SERPINE2: variants seen among roughly 807,000 people sequenced by gnomAD.
The protein encoded by SERPINE2 is serpin family E member 2.
Under a neutral mutation model 36.3 loss-of-function variants are expected in SERPINE2, and 14 were observed. The observed-to-expected ratio is 0.39, with a 90% CI of 0.25 to 0.60. The LOEUF is 0.60. Ranked by LOEUF, SERPINE2 falls within the 20% of genes least tolerant of loss-of-function variation. The probability of loss-of-function intolerance (pLI) is 0.57; values close to 1 mark genes in which losing one functional copy is unlikely to be tolerated. For missense variants in SERPINE2, 418 were observed against 499.6 expected (o/e 0.84, Z 1.56); for synonymous variants, 192 against 191.8 (o/e 1.00, Z -0.01).
chr2:223,992,742 T>A (rs1184871464), intron 3 of SERPINE2, among the ~76,000 whole-genome samples: 1 of 152,222 alleles, frequency 6.6e-6, no homozygotes, highest in African/African-American at 2.4e-5. Flanking sequence ...TCTAATTTGA[T>A]CATTACACAT....
chr2:224,014,112 T>C (rs926777735), intron 1 of SERPINE2, among the ~76,000 whole-genome samples: 5 of 152,202 alleles, frequency 3.3e-5, no homozygotes, highest in Non-Finnish European at 7.4e-5. Context: ...AGGTGGCTCA[T>C]GCCTGTAATC....
intron 4 of SERPINE2, among the ~76,000 whole-genome samples, chr2:223,989,787 G>A (rs749516666): frequency 6.6e-6 from 1 of 152,290 alleles, no homozygotes; most frequent in African/African-American, 2.4e-5. Context: ...AGTGAGCAGC[G>A]GACTTTCTTT....
At chr2:224,012,050 C>T (rs139213136) in intron 1 of SERPINE2, among the ~76,000 whole-genome samples, 281 of 152,290 alleles carry the variant, frequency 1.8e-3, no homozygotes, top group South Asian at 4.8e-3. Flanking sequence ...AAACACCACT[C>T]CCTCCCTGAG....
chr2:223,998,413 T>C (rs759064852), intron 2 of SERPINE2, 71 bp from the exon 3 acceptor site: 2 of 1,231,308 alleles, frequency 1.6e-6, no homozygotes, highest in Non-Finnish European at 2.4e-6. Context: ...ATCTTTTATG[T>C]TGCAGCAAGT....
intron 8 of SERPINE2, among the ~76,000 whole-genome samples, chr2:223,976,235 C>G (rs957909591): frequency 6.6e-6 from 1 of 152,194 alleles, no homozygotes; most frequent in Non-Finnish European, 1.5e-5. Flanking sequence ...ACTGCAATTT[C>G]CGCCTCCTGG....
intron 3 of SERPINE2, among the ~76,000 whole-genome samples, chr2:223,995,666 C>T (rs1483772078): frequency 1.3e-5 from 2 of 152,074 alleles, no homozygotes; most frequent in African/African-American, 4.8e-5. Flanking sequence ...CTGAATTTGC[C>T]AGGAATGTGA....
At chr2:224,011,813 A>G (rs994125297) in intron 1 of SERPINE2, among the ~76,000 whole-genome samples, 2 of 152,264 alleles carry the variant, frequency 1.3e-5, no homozygotes, top group Admixed American at 1.3e-4. Context: ...TTCAGTAGCA[A>G]AAGTATTGCA....
intron 4 of SERPINE2, 95 bp from the exon 5 acceptor site, chr2:223,985,045 T>A: frequency 9.7e-7 from 1 of 1,033,464 alleles, no homozygotes; most frequent in Non-Finnish European, 1.5e-6. Flanking sequence ...AGAGAGCAAC[T>A]CAGTTGGAGA....
chr2:224,009,758 T>C (rs1691560868), intron 1 of SERPINE2, among the ~76,000 whole-genome samples: 1 of 152,098 alleles, frequency 6.6e-6, no homozygotes, highest in Non-Finnish European at 1.5e-5. Context: ...CTGAGACTTC[T>C]GAATGGCCTT....
chr2:223,977,783 A>T (rs753465313), intron 7 of SERPINE2, 156 bp from the exon 8 acceptor site: 3 of 598,490 alleles, frequency 5.0e-6, no homozygotes, highest in East Asian at 2.9e-5. Flanking sequence ...AACAGGCTCA[A>T]TGGTCACCAT....
intron 1 of SERPINE2, among the ~76,000 whole-genome samples, chr2:224,025,217 C>T (rs535354944): frequency 6.7e-4 from 102 of 152,294 alleles, no homozygotes; most frequent in South Asian, 1.9e-3. Context: ...GTCACCTGCC[C>T]GCCCCTTGCC....
At chr2:224,026,418 T>G (rs1692185765) in intron 1 of SERPINE2, among the ~76,000 whole-genome samples, 1 of 152,210 alleles carries the variant, frequency 6.6e-6, no homozygotes, top group Non-Finnish European at 1.5e-5. Context: ...TTTTTAAAAT[T>G]TAACCCCTTT....
At chr2:223,986,780 C>G (rs1690447455) in intron 4 of SERPINE2, among the ~76,000 whole-genome samples, 1 of 152,094 alleles carries the variant, frequency 6.6e-6, no homozygotes, top group Non-Finnish European at 1.5e-5. Context: ...TTGGCTGGAC[C>G]CATTATTAAC....
intron 1 of SERPINE2, among the ~76,000 whole-genome samples, chr2:224,018,031 T>C (rs1013185572): frequency 1.3e-5 from 2 of 152,264 alleles, no homozygotes; most frequent in Non-Finnish European, 1.5e-5. Context: ...GTCTCTAGTA[T>C]GTGACTTTAT....
chr2:224,021,483 A>G (rs11684839), intron 1 of SERPINE2, among the ~76,000 whole-genome samples: 143,687 of 152,104 alleles, frequency 0.94, 68,220 homozygotes, highest in Non-Finnish European at 0.99. Flanking sequence ...GATGACAGAA[A>G]TCCTTAAGGA....
At chr2:224,031,423 T>C in intron 1 of SERPINE2, 1 of 985,596 alleles carries the variant, frequency 1.0e-6, no homozygotes, top group Non-Finnish European at 1.2e-6. Flanking sequence ...GAAAGGCAGC[T>C]GGGGAACGCC....
chr2:223,976,383 C>T (rs1405637409), intron 8 of SERPINE2, among the ~76,000 whole-genome samples: 3 of 152,152 alleles, frequency 2.0e-5, no homozygotes, highest in Non-Finnish European at 4.4e-5. Flanking sequence ...AACTCCTGAC[C>T]TCAGGTGATC....
chr2:224,019,851 T>C (rs1272351918), intron 1 of SERPINE2, among the ~76,000 whole-genome samples: 3 of 151,422 alleles, frequency 2.0e-5, no homozygotes, highest in African/African-American at 7.3e-5. Context: ...TAATTATTCA[T>C]TGTAGGGGGC....
chr2:224,011,881 T>A (rs1442311217), intron 1 of SERPINE2, among the ~76,000 whole-genome samples: 1 of 152,242 alleles, frequency 6.6e-6, no homozygotes, highest in African/African-American at 2.4e-5. Flanking sequence ...AAATCTCCAA[T>A]GGAGGGGACA....
Sources: gnomAD v4.1 joint callset for allele counts (sites outside exome capture counted in the v4.1 genomes callset) on GRCh38, gnomAD v4.1.1 for gene constraint, MANE v1.5 for transcripts, NCBI Gene and HGNC (gene_info 2026-07-23, HGNC 2026-07-21) for gene names.